The following KCNQ5 variants were observed in gnomAD, a reference collection of about 807,000 sequenced individuals.
KCNQ5 encodes potassium voltage-gated channel subfamily Q member 5.
Under a neutral mutation model 98.2 loss-of-function variants are expected in KCNQ5, and 30 were observed. That is an observed-to-expected ratio of 0.31 (90% CI 0.23 to 0.41). The LOEUF is 0.41. Among genes scored for constraint, KCNQ5 ranks in the 10% least tolerant of loss-of-function variants. KCNQ5 has a pLI of 1.00. For synonymous variants in KCNQ5, 458 were observed against 449.4 expected, an observed-to-expected ratio of 1.02 and a Z score of -0.24; for missense variants, 835 against 1,182.5, an observed-to-expected ratio of 0.71 and a Z score of 4.31.
chr6:72,971,927 T>C lies in KCNQ5; in HGVS notation c.399-31981T>C, dbSNP rs572320607. 2.6e-5 allele frequency among the ~76,000 whole-genome samples: 4 copies of C among 152,292 alleles called. No homozygotes were observed. In the East Asian group the frequency reaches 7.7e-4, roughly 29 times the overall value. Reference sequence around the variant, plus strand: ...GAGTGTAGCACACCAACATGGCACATGTATACATATGTAACAAACCTGCAC... The same window carrying C: ...GAGTGTAGCACACCAACATGGCACACGTATACATATGTAACAAACCTGCAC... On this transcript the variant is annotated intron_variant, in intron 1 of 13. Transcript: ENST00000370398.
intron 1 of KCNQ5, among the ~76,000 whole-genome samples, chr6:72,760,447 CGTGTGTGTGT>C (rs10607088): frequency 8.8e-5 from 13 of 148,136 alleles, no homozygotes; most frequent in African/African-American, 2.7e-4. Context: ...TTCAGGAGTA[CGTGTGTGTGT>C]GTGTGTGTGT....
chr6:72,856,004 G>A (rs1777516664), intron 1 of KCNQ5, among the ~76,000 whole-genome samples: 2 of 152,136 alleles, frequency 1.3e-5, no homozygotes, highest in African/African-American at 4.8e-5. Flanking sequence ...CCTATGAATT[G>A]AGGAAAGTAT....
At chr6:72,744,011 G>A (rs1427403113) in intron 1 of KCNQ5, among the ~76,000 whole-genome samples, 1 of 152,086 alleles carries the variant, frequency 6.6e-6, no homozygotes, top group South Asian at 2.1e-4. Context: ...CCAGCCTAAC[G>A]GAAACCCCAT....
At chr6:72,782,412 G>T (rs1160964066) in intron 1 of KCNQ5, among the ~76,000 whole-genome samples, 1 of 152,146 alleles carries the variant, frequency 6.6e-6, no homozygotes, top group African/African-American at 2.4e-5. Context: ...TGAGAGTATT[G>T]TAAGTTCTAT....
chr6:72,801,005 T>C (rs1205627065), intron 1 of KCNQ5, among the ~76,000 whole-genome samples: 1 of 152,050 alleles, frequency 6.6e-6, no homozygotes, highest in Non-Finnish European at 1.5e-5. Context: ...TTGTTATAAT[T>C]TCTGTTCTTT....
chr6:72,866,234 G>T (rs1777975212), intron 1 of KCNQ5, among the ~76,000 whole-genome samples: 1 of 143,562 alleles, frequency 7.0e-6, no homozygotes, highest in Admixed American at 6.9e-5. Flanking sequence ...GCTTATTCTA[G>T]TTTCCTCCGC....
chr6:72,647,316 C>T (rs554853138), intron 1 of KCNQ5, among the ~76,000 whole-genome samples: 1 of 152,032 alleles, frequency 6.6e-6, no homozygotes, highest in African/African-American at 2.4e-5. Context: ...GAAAGAATGC[C>T]ATTAGTTGGA....
intron 11 of KCNQ5, among the ~76,000 whole-genome samples, chr6:73,187,138 C>A (rs1376186503): frequency 6.6e-6 from 1 of 151,162 alleles, no homozygotes; most frequent in Non-Finnish European, 1.5e-5. Context: ...TGGCTCACTG[C>A]AAGCTCTGCC....
chr6:72,895,769 A>G (rs143999672), intron 1 of KCNQ5, among the ~76,000 whole-genome samples: 241 of 151,438 alleles, frequency 1.6e-3, no homozygotes, highest in African/African-American at 5.7e-3. Flanking sequence ...TATGTATATT[A>G]AAAGTGTTAG....
At chr6:72,910,561 GGGGTGTGTGTGTGTGTGTGT>G (rs1382637797) in intron 1 of KCNQ5, among the ~76,000 whole-genome samples, 1 of 102,884 alleles carries the variant, frequency 9.7e-6, no homozygotes, top group Non-Finnish European at 2.1e-5. Flanking sequence ...GAAAGGTAGG[GGGGTGTGTGTGTGTGTGTGT>G]GTGTGTGTGT....
At chr6:72,853,430 G>T (rs902551484) in intron 1 of KCNQ5, among the ~76,000 whole-genome samples, 1 of 151,824 alleles carries the variant, frequency 6.6e-6, no homozygotes. Context: ...TGAAACTGTC[G>T]CCTCCCAGCT....
intron 7 of KCNQ5, among the ~76,000 whole-genome samples, chr6:73,116,978 A>C (rs1775530987): frequency 6.6e-6 from 1 of 152,184 alleles, no homozygotes; most frequent in African/African-American, 2.4e-5. Context: ...AAAAAAACTG[A>C]ATTATACTGG....
chr6:72,874,598 CAAAT>C (rs573190249), intron 1 of KCNQ5, among the ~76,000 whole-genome samples: 170 of 152,196 alleles, frequency 1.1e-3, no homozygotes, highest in African/African-American at 3.8e-3. Flanking sequence ...GGCCTTTTGT[CAAAT>C]AAATAATGAT....
At chr6:72,962,204 T>TATATATATATATATATATATATATAC (rs1767396646) in intron 1 of KCNQ5, among the ~76,000 whole-genome samples, 1 of 84,534 alleles carries the variant, frequency 1.2e-5, no homozygotes, top group African/African-American at 3.3e-5. Flanking sequence ...TATATATACA[T>TATATATATATATATATATATATATAC]ATATATATAT....
chr6:73,029,334 T>G (rs1455306440), intron 2 of KCNQ5, among the ~76,000 whole-genome samples: 1 of 152,072 alleles, frequency 6.6e-6, no homozygotes, highest in African/African-American at 2.4e-5. Flanking sequence ...CAAAGGATAC[T>G]CCCATGAATT....
chr6:72,751,636 G>A (rs1771690841), intron 1 of KCNQ5, among the ~76,000 whole-genome samples: 1 of 151,910 alleles, frequency 6.6e-6, no homozygotes, highest in Admixed American at 6.6e-5. Context: ...TCAGAAATGT[G>A]CATTTTACCA....
At chr6:72,831,716 C>T (rs1358491203) in intron 1 of KCNQ5, among the ~76,000 whole-genome samples, 1 of 146,740 alleles carries the variant, frequency 6.8e-6, no homozygotes, top group African/African-American at 2.5e-5. Context: ...TACCCTAGAA[C>T]TTAAAGTATA....
intron 1 of KCNQ5, among the ~76,000 whole-genome samples, chr6:72,912,833 G>C (rs968012600): frequency 6.6e-6 from 1 of 152,138 alleles, no homozygotes; most frequent in East Asian, 1.9e-4. Flanking sequence ...TCACAATGGT[G>C]TTATTTGAAT....
chr6:73,154,241 C>A (rs997403190), intron 10 of KCNQ5, among the ~76,000 whole-genome samples: 15 of 152,032 alleles, frequency 9.9e-5, no homozygotes, highest in Admixed American at 7.9e-4. Context: ...TTTTCTAACT[C>A]TTAATTTTAA....
Sources: gnomAD v4.1 joint callset for allele counts (sites outside exome capture counted in the v4.1 genomes callset) on GRCh38, gnomAD v4.1.1 for gene constraint, MANE v1.5 for transcripts, NCBI Gene and HGNC (gene_info 2026-07-23, HGNC 2026-07-21) for gene names.